Variants in LRRC3B observed in about 807,000 individuals in gnomAD.
LRRC3B encodes the protein leucine rich repeat containing 3B.
In LRRC3B, 2 loss-of-function variants were observed where a neutral mutation model predicts 12.8. The observed-to-expected ratio is 0.16, with a 90% CI of 0.06 to 0.49. The LOEUF (loss-of-function observed/expected upper bound fraction) is 0.49. Ranked by LOEUF, LRRC3B falls within the 20% of genes least tolerant of loss-of-function variation. The probability of loss-of-function intolerance (pLI) is 0.96; values close to 1 mark genes in which losing one functional copy is unlikely to be tolerated. For synonymous variants in LRRC3B, 132 were observed against 122.0 expected, an observed-to-expected ratio of 1.08 and a Z score of -0.54; for missense variants, 189 against 319.4, an observed-to-expected ratio of 0.59 and a Z score of 3.11.
chr3:26,660,807 C>T (rs1699477143), intron 1 of LRRC3B, among the ~76,000 whole-genome samples: 1 of 152,124 alleles, frequency 6.6e-6, no homozygotes, highest in Non-Finnish European at 1.5e-5. Flanking sequence ...TTTTTCATTT[C>T]TGAGCTGCAT....
chr3:26,637,318 AATTAGTGGTAATTT>A (rs1698923571), intron 1 of LRRC3B, among the ~76,000 whole-genome samples: 1 of 152,146 alleles, frequency 6.6e-6, no homozygotes, highest in Non-Finnish European at 1.5e-5. Context: ...TTTCTAGAAA[AATTAGTGGTAATTT>A]ATGGAGTTAC....
chr3:26,707,074 T>C (rs1269004554), intron 1 of LRRC3B, among the ~76,000 whole-genome samples: 1 of 151,948 alleles, frequency 6.6e-6, no homozygotes, highest in Non-Finnish European at 1.5e-5. Flanking sequence ...CGTACTGTGC[T>C]AAGCGCAGTG....
chr3:26,646,897 T>C (rs1384708568), intron 1 of LRRC3B, among the ~76,000 whole-genome samples: 15 of 151,926 alleles, frequency 9.9e-5, no homozygotes. Context: ...GCTGTGAATT[T>C]GGCTCAAGGC....
chr3:26,689,142 C>A (rs1336824631), intron 1 of LRRC3B, among the ~76,000 whole-genome samples: 1 of 152,168 alleles, frequency 6.6e-6, no homozygotes, highest in Admixed American at 6.5e-5. Context: ...TCAGACACTC[C>A]ATCTCCCTAA....
At chr3:26,686,172 C>T (rs897638668) in intron 1 of LRRC3B, among the ~76,000 whole-genome samples, 3 of 151,972 alleles carry the variant, frequency 2.0e-5, no homozygotes, top group African/African-American at 4.8e-5. Context: ...CTCCGCCTCC[C>T]GGGTTCACGC....
At chr3:26,671,350 G>GTATGTATA (rs1553603719) in intron 1 of LRRC3B, among the ~76,000 whole-genome samples, 18 of 56,754 alleles carry the variant, frequency 3.2e-4, no homozygotes, top group Non-Finnish European at 3.9e-4. Flanking sequence ...ATATATGTGT[G>GTATGTATA]TATATATATA....
chr3:26,636,849 C>T lies in LRRC3B; in HGVS notation c.-161+13612C>T, dbSNP rs1478506186. On this transcript the variant is annotated intron_variant, in intron 1 of 1. Transcript: ENST00000396641. ...CCCTCCCTCCCTCCCTGCCTCCCTC[C>T]CTCCCTCCCTCCCTCCCTTCCTTCC... Among the ~76,000 whole-genome samples the T allele has an allele frequency of 5.2e-5, 5 of 97,078 alleles. 1 individual carries two copies. The highest frequency in any genetic ancestry group is 2.3e-4 in the African/African-American group (5 of 22,066). The allele number at this position is 97,078 out of a possible 152,430, so 63.7% of individuals were successfully genotyped here. A position where few individuals can be genotyped will look rare whatever the true frequency, so the allele number is the denominator to read the frequency against.
intron 1 of LRRC3B, among the ~76,000 whole-genome samples, chr3:26,672,483 A>C (rs1004704685): frequency 1.1e-4 from 17 of 152,196 alleles, no homozygotes; most frequent in African/African-American, 3.1e-4. Flanking sequence ...CTGAGAAGAC[A>C]CTGGGAAGAC....
intron 1 of LRRC3B, among the ~76,000 whole-genome samples, chr3:26,632,139 A>G (rs1429912834): frequency 6.6e-6 from 1 of 152,216 alleles, no homozygotes; most frequent in African/African-American, 2.4e-5. Flanking sequence ...GCTGACTGGT[A>G]AAGGGACAAG....
chr3:26,671,551 C>A (rs974888914), intron 1 of LRRC3B, among the ~76,000 whole-genome samples: 13 of 150,898 alleles, frequency 8.6e-5, no homozygotes, highest in Non-Finnish European at 1.9e-4. Context: ...GCCACCAAGC[C>A]CAGCTAATTT....
intron 1 of LRRC3B, among the ~76,000 whole-genome samples, chr3:26,644,323 C>T (rs1218220901): frequency 6.6e-6 from 1 of 152,126 alleles, no homozygotes; most frequent in Admixed American, 6.5e-5. Context: ...CAGGTAATAC[C>T]CAGTACCTAT....
intron 1 of LRRC3B, among the ~76,000 whole-genome samples, chr3:26,694,226 T>C (rs1234036525): frequency 6.6e-6 from 1 of 152,192 alleles, no homozygotes; most frequent in Non-Finnish European, 1.5e-5. Flanking sequence ...TATTAATTTA[T>C]CAATAGCAAT....
intron 1 of LRRC3B, among the ~76,000 whole-genome samples, chr3:26,638,993 T>C (rs954047424): frequency 1.3e-5 from 2 of 152,198 alleles, no homozygotes; most frequent in African/African-American, 4.8e-5. Context: ...CAGAAAGGAT[T>C]GCATTTCCAA....
intron 1 of LRRC3B, among the ~76,000 whole-genome samples, chr3:26,694,100 T>C (rs1329001302): frequency 6.6e-6 from 1 of 152,350 alleles, no homozygotes; most frequent in African/African-American, 2.4e-5. Flanking sequence ...AATCCTCATT[T>C]GCAAAACCTG....
intron 1 of LRRC3B, among the ~76,000 whole-genome samples, chr3:26,631,134 T>G (rs906850173): frequency 2.0e-5 from 3 of 152,182 alleles, no homozygotes; most frequent in Non-Finnish European, 4.4e-5. Flanking sequence ...AACCAAGATA[T>G]GGGATGCCTT....
intron 1 of LRRC3B, among the ~76,000 whole-genome samples, chr3:26,653,012 A>G (rs1177767610): frequency 6.6e-6 from 1 of 152,084 alleles, no homozygotes; most frequent in African/African-American, 2.4e-5. Flanking sequence ...CTGGGTCAAC[A>G]AGCAGGGGAT....
intron 1 of LRRC3B, among the ~76,000 whole-genome samples, chr3:26,640,959 T>C (rs1163837597): frequency 2.0e-5 from 3 of 152,208 alleles, no homozygotes; most frequent in Admixed American, 6.5e-5. Context: ...TCCTTATGAA[T>C]GACATAGAAT....
At chr3:26,701,859 C>T (rs759396485) in intron 1 of LRRC3B, among the ~76,000 whole-genome samples, 1 of 152,102 alleles carries the variant, frequency 6.6e-6, no homozygotes, top group Non-Finnish European at 1.5e-5. Context: ...GGTAACTTAA[C>T]CCCTTAATTC....
intron 1 of LRRC3B, among the ~76,000 whole-genome samples, chr3:26,628,408 T>C (rs1262512379): frequency 6.9e-5 from 8 of 115,658 alleles, no homozygotes; most frequent in African/African-American, 2.1e-4. Flanking sequence ...TAGAAAGAGT[T>C]TGAAGAAGAT....
Sources: allele counts gnomAD v4.1 joint callset (sites outside exome capture counted in the v4.1 genomes callset), GRCh38; gene constraint gnomAD v4.1.1; transcripts MANE v1.5; gene names NCBI Gene and HGNC (gene_info 2026-07-23, HGNC 2026-07-21).